The following GLP1R variants were observed in gnomAD, a reference collection of about 807,000 sequenced individuals.
GLP1R encodes the protein glucagon like peptide 1 receptor.
GLP1R carries 32 observed loss-of-function variants against 68.4 expected under a neutral mutation model. The ratio of observed to expected loss-of-function variants is 0.47; its 90% CI spans 0.35 to 0.63. The LOEUF (loss-of-function observed/expected upper bound fraction) is 0.63, where lower values mean the gene tolerates loss of function less well. GLP1R is among the 20% of genes least tolerant of loss of function. The pLI, the probability that GLP1R is intolerant of heterozygous loss-of-function variation, is 0.00. For synonymous variants in GLP1R, 263 were observed against 244.4 expected (o/e 1.08, Z -0.71); for missense variants, 502 against 594.9 (o/e 0.84, Z 1.62).
intron 12 of GLP1R, among the ~76,000 whole-genome samples, chr6:39,081,937 G>A (rs1769020950): frequency 6.6e-6 from 1 of 152,220 alleles, no homozygotes; most frequent in Middle Eastern, 3.2e-3. Context: ...CCTTCAAGGT[G>A]GGATGCTGAA....
At chr6:39,066,011 T>C (rs1265548927) in intron 4 of GLP1R, among the ~76,000 whole-genome samples, 182 bp downstream of exon 4, 4 of 152,204 alleles carry the variant, frequency 2.6e-5, no homozygotes, top group Admixed American at 2.6e-4. Flanking sequence ...CTCTCTGGCC[T>C]TGGAACAGGG....
At chr6:39,063,029 G>T (rs140356699) in intron 3 of GLP1R, among the ~76,000 whole-genome samples, 1 of 152,238 alleles carries the variant, frequency 6.6e-6, no homozygotes, top group African/African-American at 2.4e-5. Flanking sequence ...TGTGGGAAGT[G>T]CATCTTACTA....
chr6:39,085,778 G>C, intron 12 of GLP1R, 128 bp from the exon 13 acceptor site: 1 of 821,786 alleles, frequency 1.2e-6, no homozygotes, highest in Non-Finnish European at 2.0e-6. Context: ...GAGCCCGAAG[G>C]CCTTGACTTG....
chr6:39,073,475 C>T (rs1212176290), intron 6 of GLP1R, 135 bp from the exon 7 acceptor site: 3 of 732,894 alleles, frequency 4.1e-6, no homozygotes, highest in East Asian at 5.1e-5. Flanking sequence ...TTAGCACTAG[C>T]CCTAGCCAGA....
chr6:39,070,186 A>T (rs1238275111), intron 5 of GLP1R, among the ~76,000 whole-genome samples: 1 of 152,222 alleles, frequency 6.6e-6, no homozygotes, highest in African/African-American at 2.4e-5. Flanking sequence ...TGCATTAAGG[A>T]TTAAGTTTTA....
In GLP1R at chr6:39,049,550, C is replaced by T. The variant is rs1768038622; in HGVS notation, c.78+632C>T. On this transcript the variant is annotated intron_variant, in intron 1 of 12. Transcript: ENST00000373256. This position sits in a 1 kb window ranked among gnomAD's most constrained non-coding sequence, Gnocchi z 4.5. ...GAACCTACCCCCCGTCCCCTACCAGCCTCTGTAGCAAACAGGCAGAAGGCT... is the reference window on the plus strand; with the variant it reads ...GAACCTACCCCCCGTCCCCTACCAGTCTCTGTAGCAAACAGGCAGAAGGCT... Among the ~76,000 whole-genome samples, 1 of 152,244 alleles carries T rather than the reference C, an allele frequency of 6.6e-6. No homozygotes were observed. The highest frequency in any genetic ancestry group is 2.1e-4 in the South Asian group (1 of 4,812).
rs199518909 is a variant in GLP1R, at chr6:39,086,151, A to G, written c.*78A>G. 1.3e-4 allele frequency: 136 copies of G among 1,060,444 alleles called. No individual in the cohort carries two copies. The highest frequency in any genetic ancestry group is 1.9e-4 in the Non-Finnish European group (132 of 706,312). 65.7% of individuals were successfully genotyped at this position (1,060,444 alleles called of 1,614,324 possible). A position where few individuals can be genotyped will look rare whatever the true frequency, so the allele number is the denominator to read the frequency against. ...CCAGGTGGGAGAGACACTCCCAGGG[A>G]CAAGGGAAGGAAGGGACACACACAC... is the stretch of plus-strand genomic sequence containing the variant. On this transcript the variant is annotated 3_prime_UTR_variant, in exon 13 of 13. Transcript: ENST00000373256. This position sits in a 1 kb window ranked among gnomAD's most constrained non-coding sequence, Gnocchi z 4.5.
rs539380471 is a variant in GLP1R, at chr6:39,061,121, C to T, written c.283+3542C>T. Reference sequence around the variant, plus strand: ...GGCCAGGCCACGGGCCTCGGAACTACGCAGTGTCCTGGAGAAGCCAGCCAA... The same window carrying T: ...GGCCAGGCCACGGGCCTCGGAACTATGCAGTGTCCTGGAGAAGCCAGCCAA... On this transcript the variant is annotated intron_variant, in intron 3 of 12. Coordinates refer to ENST00000373256, the MANE Select transcript of GLP1R (RefSeq NM_002062.5). Among the ~76,000 whole-genome samples the T allele has an allele frequency of 9.8e-5, 15 of 152,328 alleles. No individual in the cohort carries two copies. The South Asian group carries it at 1.7e-3, about 17-fold the overall frequency.
intron 1 of GLP1R, among the ~76,000 whole-genome samples, chr6:39,050,628 CTG>C (rs1330359065): frequency 6.6e-6 from 1 of 152,156 alleles, no homozygotes; most frequent in Non-Finnish European, 1.5e-5. Context: ...TCATGGGAAA[CTG>C]AGCTGCCACA....
At chr6:39,054,002 G>T (rs1383361419) in intron 1 of GLP1R, among the ~76,000 whole-genome samples, 1 of 151,970 alleles carries the variant, frequency 6.6e-6, no homozygotes, top group Non-Finnish European at 1.5e-5. Context: ...TCCTGCTGAA[G>T]TGCCCGCCCT....
intron 3 of GLP1R, among the ~76,000 whole-genome samples, chr6:39,059,331 G>A (rs763612318): frequency 3.3e-5 from 5 of 152,244 alleles, no homozygotes; most frequent in Non-Finnish European, 5.9e-5. Context: ...ATTAGTGGGC[G>A]ACCCAGAAGC....
At chr6:39,071,345 C>CAAA (rs35740935) in intron 5 of GLP1R, among the ~76,000 whole-genome samples, 103 of 85,500 alleles carry the variant, frequency 1.2e-3, no homozygotes, top group Non-Finnish European at 1.3e-3. Context: ...GATTCCATCT[C>CAAA]AAAAAAAAAA....
intron 12 of GLP1R, among the ~76,000 whole-genome samples, chr6:39,084,471 A>G (rs1285791007): frequency 6.6e-6 from 1 of 152,148 alleles, no homozygotes; most frequent in Non-Finnish European, 1.5e-5. Flanking sequence ...GGTGTGCCTC[A>G]GTTTACCATC....
chr6:39,060,459 C>T (rs1186727639), intron 3 of GLP1R, among the ~76,000 whole-genome samples: 2 of 152,190 alleles, frequency 1.3e-5, no homozygotes, highest in Non-Finnish European at 2.9e-5. Flanking sequence ...CAATGGAAAG[C>T]TTGAGCACCC....
intron 12 of GLP1R, among the ~76,000 whole-genome samples, chr6:39,085,099 GGCCACCACCGGGAGCCACAGCATT>G (rs1447449031): frequency 6.6e-6 from 1 of 152,122 alleles, no homozygotes; most frequent in Non-Finnish European, 1.5e-5. Context: ...CAGAATCACT[GGCCACCACCGGGAGCCACAGCATT>G]GCCACAAACC....
At chr6:39,056,998 G>A (rs1395800960) in intron 2 of GLP1R, among the ~76,000 whole-genome samples, 2 of 152,316 alleles carry the variant, frequency 1.3e-5, no homozygotes, top group Admixed American at 6.5e-5. Flanking sequence ...TAAAGAGCAC[G>A]GGATTGGAGC....
At chr6:39,065,575 G>C in intron 3 of GLP1R, 136 bp from the exon 4 acceptor site, 1 of 602,150 alleles carries the variant, frequency 1.7e-6, no homozygotes, top group South Asian at 2.0e-5. Flanking sequence ...GAAGGGAAAA[G>C]GATGTCACTA....
chr6:39,074,629 G>A (rs567823930), intron 7 of GLP1R, among the ~76,000 whole-genome samples: 5 of 151,790 alleles, frequency 3.3e-5, no homozygotes, highest in East Asian at 1.9e-4. Flanking sequence ...TCCTTCATGC[G>A]CCCACCTCAC....
chr6:39,056,325 G>T, intron 1 of GLP1R, 72 bp from the exon 2 acceptor site: 1 of 749,244 alleles, frequency 1.3e-6, no homozygotes, highest in East Asian at 2.6e-5. Flanking sequence ...GAAACCAAGT[G>T]TGTTAGGGGG....
Sources: allele counts gnomAD v4.1 joint callset (sites outside exome capture counted in the v4.1 genomes callset), GRCh38; gene constraint gnomAD v4.1.1; non-coding constraint Gnocchi (gnomAD v3.1); transcripts MANE v1.5; gene names NCBI Gene and HGNC (gene_info 2026-07-23, HGNC 2026-07-21).